Variants in DOCK9 observed in about 807,000 individuals in gnomAD.
DOCK9 encodes dedicator of cytokinesis protein 9.
DOCK9 carries 89 observed loss-of-function variants against 263.3 expected under a neutral mutation model. The observed-to-expected ratio is 0.34, with a 90% confidence interval of 0.28 to 0.40. DOCK9 has a LOEUF of 0.40. Ranked by LOEUF, DOCK9 falls within the 10% of genes least tolerant of loss-of-function variation. The pLI is 1.00. For synonymous variants in DOCK9, 976 were observed against 973.1 expected (o/e 1.00, Z -0.06); for missense variants, 2,140 against 2,603.4 (o/e 0.82, Z 3.87).
chr13:98,977,645 GA>G, intron 1 of DOCK9, 138 bp downstream of exon 1: 1 of 662,718 alleles, frequency 1.5e-6, no homozygotes, highest in Non-Finnish European at 2.5e-6. Context: ...ATATTACAGG[GA>G]AAGAGTGGAG....
intron 38 of DOCK9, among the ~76,000 whole-genome samples, chr13:98,842,695 CTT>C (rs2093264823): frequency 6.6e-6 from 1 of 152,206 alleles, no homozygotes; most frequent in Non-Finnish European, 1.5e-5. Context: ...TGTACCCTCT[CTT>C]TGTGGTTTTG....
Position 98,837,594 on chromosome 13 carries a change from T to A in DOCK9, c.4214A>T (p.Asp1405Val). 6.2e-7 allele frequency: 1 copy of A among 1,613,118 alleles called. No homozygotes were observed. Among genetic ancestry groups the A allele is most frequent in the Non-Finnish European group, 8.5e-7 (1 of 1,179,418 alleles). ...LTFNHSYGHS[D>V]ADVLHQSLLE... ...TAATGACTGGTGCAGAACATCTGCGTCCGAGTGGCCATAGCCTGCATGAAT... is the reference window on the plus strand; with the variant it reads ...TAATGACTGGTGCAGAACATCTGCGACCGAGTGGCCATAGCCTGCATGAAT... Residue 1405 changes from aspartate (D) to valine (V), a missense_variant, in exon 39 of 53, where the codon GAC (aspartate) becomes GTC (valine). Transcript: ENST00000682017.
At chr13:98,956,918 T>C (rs1325950940) in intron 1 of DOCK9, among the ~76,000 whole-genome samples, 5 of 152,210 alleles carry the variant, frequency 3.3e-5, no homozygotes, top group African/African-American at 9.6e-5. Flanking sequence ...GGCATCCAAA[T>C]TGGCAATTGT....
intron 1 of DOCK9, among the ~76,000 whole-genome samples, chr13:98,971,230 C>T (rs2059696964): frequency 6.6e-6 from 1 of 152,194 alleles, no homozygotes; most frequent in Admixed American, 6.5e-5. Flanking sequence ...TCTTGGCCCA[C>T]CCGTGCCACC....
At chr13:98,926,810 T>C (rs2053045801) in intron 3 of DOCK9, among the ~76,000 whole-genome samples, 1 of 152,246 alleles carries the variant, frequency 6.6e-6, no homozygotes, top group African/African-American at 2.4e-5. Flanking sequence ...AGTGAATCAA[T>C]GAAAACATAG....
At chr13:98,999,316 A>ACACACACACACACACACACACACTCT in intron 1 of DOCK9, among the ~76,000 whole-genome samples, 9 of 138,364 alleles carry the variant, frequency 6.5e-5, no homozygotes, top group South Asian at 5.4e-4. Context: ...ACACACACAC[A>ACACACACACACACACACACACACTCT]CTCTCTCTCT....
chr13:98,939,668 A>G (rs1288767862), intron 2 of DOCK9, among the ~76,000 whole-genome samples: 4 of 152,188 alleles, frequency 2.6e-5, no homozygotes, highest in African/African-American at 7.2e-5. Flanking sequence ...AGGAGGTTCG[A>G]GCAAGACTGA....
intron 38 of DOCK9, among the ~76,000 whole-genome samples, chr13:98,842,239 A>G (rs2093247808): frequency 6.6e-6 from 1 of 152,172 alleles, no homozygotes; most frequent in Admixed American, 6.5e-5. Flanking sequence ...GACCTGGACA[A>G]TACCCCAGCT....
chr13:98,904,618 T>C lies in DOCK9; in HGVS notation c.1035+14A>G. Reference sequence around the variant, plus strand: ...CATTTGGTTTTAAATATTAAACATTTAGATAGTTCTTACCTGGGCATCTGG... The same window carrying C: ...CATTTGGTTTTAAATATTAAACATTCAGATAGTTCTTACCTGGGCATCTGG... On this transcript the variant is annotated intron_variant, in intron 10 of 52. Coordinates refer to ENST00000682017, the MANE Select transcript of DOCK9 (RefSeq NM_001366683.2). 1.3e-6 allele frequency: 2 copies of C among 1,537,512 alleles called. No homozygotes were observed. Among genetic ancestry groups the C allele is most frequent in the Non-Finnish European group, 1.8e-6 (2 of 1,136,390 alleles).
upstream of DOCK9, among the ~76,000 whole-genome samples, chr13:99,087,010 CG>C (rs928664753): frequency 2.6e-5 from 4 of 152,140 alleles, no homozygotes; most frequent in Non-Finnish European, 4.4e-5. Flanking sequence ...GAGGGGACCC[CG>C]AAGTCACCGG....
Position 98,867,551 on chromosome 13 carries a change from G to A in DOCK9, c.3175-15C>T. On this transcript the variant is annotated splice_polypyrimidine_tract_variant and intron_variant, in intron 29 of 52. Transcript: ENST00000682017. ...TCAAAGAGGGTCTGCAGGAAGAAGTGTGTAGTCATAAATACCTCACTGGAT... is the reference window on the plus strand; with the variant it reads ...TCAAAGAGGGTCTGCAGGAAGAAGTATGTAGTCATAAATACCTCACTGGAT... The A allele has an allele frequency of 1.3e-6, 2 of 1,488,680 alleles. No homozygotes were observed. The highest frequency in any genetic ancestry group is 1.2e-5 in the South Asian group (1 of 85,902). The allele number at this position is 1,488,680 out of a possible 1,614,324, so 92.2% of individuals were successfully genotyped here.
chr13:98,827,609 G>A (rs1490929189), intron 43 of DOCK9, among the ~76,000 whole-genome samples: 1 of 152,226 alleles, frequency 6.6e-6, no homozygotes, highest in Non-Finnish European at 1.5e-5. Flanking sequence ...GCTGCTCCAC[G>A]TGCACGTGTG....
At chr13:98,955,077 A>C (rs958186789) in intron 2 of DOCK9, among the ~76,000 whole-genome samples, 1 of 152,172 alleles carries the variant, frequency 6.6e-6, no homozygotes, top group African/African-American at 2.4e-5. Flanking sequence ...CAACATTTTG[A>C]GAGGCCAAGG....
At chr13:98,900,108 G>A (rs1449972402) in intron 13 of DOCK9, among the ~76,000 whole-genome samples, 1 of 152,194 alleles carries the variant, frequency 6.6e-6, no homozygotes, top group East Asian at 1.9e-4. Flanking sequence ...GAATGCTTTG[G>A]AGGTGGCAGA....
chr13:99,038,828 T>A (rs754544805), intron 1 of DOCK9, among the ~76,000 whole-genome samples: 3 of 152,218 alleles, frequency 2.0e-5, no homozygotes, highest in Non-Finnish European at 2.9e-5. Flanking sequence ...ATTGAGCATT[T>A]GTGGATAAAC....
rs186909704 is a variant in DOCK9, at chr13:98,832,153, A to T, written c.4315-367T>A. The T allele has an allele frequency of 1.1e-4, 21 of 199,664 alleles. 1 individual carries two copies. The East Asian group carries it at 2.5e-3, about 24-fold the overall frequency. 12.4% of individuals were successfully genotyped at this position (199,664 alleles called of 1,614,324 possible). A position where few individuals can be genotyped will look rare whatever the true frequency, so the allele number is the denominator to read the frequency against. On this transcript the variant is annotated intron_variant, in intron 39 of 52. Transcript: ENST00000682017. ...AGAAGTGCCATCACAGGTATGCGAT[A>T]ATTATAGATGGGAAAAAGTACTCAA... is the stretch of plus-strand genomic sequence containing the variant.
In DOCK9 at chr13:98,955,487, A is replaced by T; in HGVS notation, c.191T>A (p.Ile64Asn). 6.2e-7 allele frequency: 1 copy of T among 1,600,426 alleles called. No homozygotes were observed. Among genetic ancestry groups the T allele is most frequent in the Non-Finnish European group, 8.5e-7 (1 of 1,172,594 alleles). The change falls in exon 2 of 53, where the codon ATC becomes AAC. Residue 64 changes from isoleucine (I) to asparagine (N), a missense_variant. Ile to Asn is a moderately radical substitution (Grantham distance 149, BLOSUM62 -3). Transcript: ENST00000682017. ...ENVIVQKKTQILNDCLREMLL... is the reference protein window; with the variant it reads ...ENVIVQKKTQNLNDCLREMLL... ...CATCTCCCGTAAACAGTCGTTCAGG[A>T]TCTGAGTCTTCTTCTGGACGATGAC... is the stretch of plus-strand genomic sequence containing the variant.
chr13:98,973,075 G>A (rs1211580838), intron 1 of DOCK9, among the ~76,000 whole-genome samples: 1 of 152,070 alleles, frequency 6.6e-6, no homozygotes, highest in Admixed American at 6.5e-5. Context: ...AAAGCTTTTG[G>A]GAACATCTTT....
intron 1 of DOCK9, among the ~76,000 whole-genome samples, chr13:99,085,735 T>A (rs2042303221): frequency 6.6e-6 from 1 of 151,574 alleles, no homozygotes; most frequent in Admixed American, 6.6e-5. Context: ...TTCAGCCAAC[T>A]CAAAGGGTTA....
Sources: allele counts gnomAD v4.1 joint callset (sites outside exome capture counted in the v4.1 genomes callset), GRCh38; gene constraint gnomAD v4.1.1; transcripts MANE v1.5; gene names NCBI Gene and HGNC (gene_info 2026-07-23, HGNC 2026-07-21).